Variants in PLXNC1 observed in about 807,000 individuals in gnomAD.
PLXNC1 encodes the protein plexin-C1.
In PLXNC1, 75 loss-of-function variants were observed where a neutral mutation model predicts 178.2. That is an observed-to-expected ratio of 0.42 (90% CI 0.35 to 0.51). The LOEUF is 0.51. Ranked by LOEUF, PLXNC1 falls within the 20% of genes least tolerant of loss-of-function variation. The pLI is 0.02. For synonymous variants in PLXNC1, 790 were observed against 779.9 expected, an observed-to-expected ratio of 1.01 and a Z score of -0.22; for missense variants, 1,503 against 1,984.4, an observed-to-expected ratio of 0.76 and a Z score of 4.61.
intron 28 of PLXNC1, among the ~76,000 whole-genome samples, chr12:94,301,805 TTTTTAC>T (rs1593014907): frequency 6.6e-6 from 1 of 152,272 alleles, no homozygotes; most frequent in East Asian, 1.9e-4. Flanking sequence ...AACAAACCTG[TTTTTAC>T]TTTTGTCTTC....
intron 6 of PLXNC1, among the ~76,000 whole-genome samples, chr12:94,221,071 G>A (rs1272572091): frequency 2.0e-5 from 3 of 152,232 alleles, no homozygotes; most frequent in Non-Finnish European, 4.4e-5. Flanking sequence ...GGTTTAAGCC[G>A]GAGGCTGGCA....
chr12:94,195,270 C>T (rs1443756034), intron 4 of PLXNC1, among the ~76,000 whole-genome samples: 1 of 152,168 alleles, frequency 6.6e-6, no homozygotes, highest in Non-Finnish European at 1.5e-5. Flanking sequence ...CCCACCCCAC[C>T]CTTCCTGGGT....
At chr12:94,184,748 G>A (rs1019308904) in intron 3 of PLXNC1, among the ~76,000 whole-genome samples, 2 of 146,382 alleles carry the variant, frequency 1.4e-5, no homozygotes, top group Admixed American at 6.9e-5. Flanking sequence ...ATATTTGTGT[G>A]TTTAAATAGA....
intron 21 of PLXNC1, among the ~76,000 whole-genome samples, chr12:94,271,464 C>T (rs1279535843): frequency 2.0e-5 from 3 of 152,306 alleles, no homozygotes; most frequent in South Asian, 2.1e-4. Flanking sequence ...AATCATGTGA[C>T]GGGACGATGG....
At chr12:94,277,769 G>T (rs1021093578) in intron 21 of PLXNC1, 1 of 363,352 alleles carries the variant, frequency 2.8e-6, no homozygotes, top group Admixed American at 3.6e-5. Flanking sequence ...AATTGTACAG[G>T]TTTTATTGCC....
intron 24 of PLXNC1, among the ~76,000 whole-genome samples, chr12:94,295,017 A>T (rs1358420006): frequency 6.6e-6 from 1 of 152,198 alleles, no homozygotes; most frequent in Non-Finnish European, 1.5e-5. Context: ...TAAAGGGGGA[A>T]CTTTTATGGG....
intron 4 of PLXNC1, among the ~76,000 whole-genome samples, chr12:94,201,372 A>G (rs140089287): frequency 6.6e-6 from 1 of 152,076 alleles, no homozygotes; most frequent in East Asian, 1.9e-4. Context: ...CATCACTACC[A>G]TTTTGTCTTT....
Position 94,248,366 on chromosome 12 carries a change from GCATCAAGA to G in PLXNC1, c.2734_2741del (p.Ile912CysfsTer9). On this transcript the variant is annotated frameshift_variant, in exon 14 of 31. Transcript: ENST00000258526. LOFTEE classifies it high-confidence loss of function. ...ACCACCATCCTTTGCAAAATTAAAG[GCATCAAGA>G]CTGCAAGCACCATTGCCAACTCTTC... is the stretch of plus-strand genomic sequence containing the variant. The G allele has an allele frequency of 6.2e-7, 1 of 1,612,426 alleles. No homozygotes were observed. The highest frequency in any genetic ancestry group is 8.5e-7 in the Non-Finnish European group (1 of 1,179,572).
In PLXNC1 at chr12:94,259,743, C is replaced by T; in HGVS notation, c.3251+9C>T. ...TTTTCTGTGAAGGACAGGTATTAGT[C>T]CATTCTTTGATGTTTTAAAAGCCTT... On this transcript the variant is annotated intron_variant, in intron 19 of 30. Transcript: ENST00000258526. 2 of 1,594,062 alleles carry T rather than the reference C, an allele frequency of 1.3e-6. No homozygotes were observed. Among genetic ancestry groups the T allele is most frequent in the Non-Finnish European group, 1.7e-6 (2 of 1,173,330 alleles).
chr12:94,276,985 G>A (rs1966013126), intron 21 of PLXNC1: 2 of 152,220 alleles, frequency 1.3e-5, no homozygotes, highest in Admixed American at 6.5e-5. Flanking sequence ...GTTGAGACCA[G>A]AACAAAATTT....
At chr12:94,151,137 T>A (rs933408324) in intron 1 of PLXNC1, among the ~76,000 whole-genome samples, 6 of 152,094 alleles carry the variant, frequency 3.9e-5, no homozygotes, top group Admixed American at 3.3e-4. Flanking sequence ...GCTACAGGTG[T>A]TGCCATTGTT....
intron 23 of PLXNC1, among the ~76,000 whole-genome samples, chr12:94,290,099 C>T (rs975293043): frequency 6.6e-6 from 1 of 152,208 alleles, no homozygotes; most frequent in Admixed American, 6.5e-5. Context: ...CAAAACAAAG[C>T]GTCTGACAGT....
intron 14 of PLXNC1, among the ~76,000 whole-genome samples, chr12:94,250,924 G>A (rs915816457): frequency 5.9e-5 from 9 of 152,210 alleles, no homozygotes; most frequent in Non-Finnish European, 8.8e-5. Context: ...AGGCTGAGGT[G>A]GGAGGATCAC....
chr12:94,228,554 A>G (rs189173239), intron 9 of PLXNC1, among the ~76,000 whole-genome samples: 126 of 152,336 alleles, frequency 8.3e-4, no homozygotes, highest in African/African-American at 2.9e-3. Flanking sequence ...TGCTCGTTAA[A>G]TAATAACTCT....
intron 1 of PLXNC1, chr12:94,168,441 C>T (rs1592726754): frequency 1.3e-5 from 2 of 152,318 alleles, no homozygotes; most frequent in South Asian, 4.1e-4. Context: ...CAGGACCAAG[C>T]GTGTGATTAC....
chr12:94,279,688 T>G (rs999201329), intron 22 of PLXNC1, 39 bp downstream of exon 22: 13 of 1,578,758 alleles, frequency 8.2e-6, no homozygotes, highest in African/African-American at 6.7e-5. Context: ...CAGGCCCTGA[T>G]GAGTGTCCCT....
At chr12:94,269,390 CCA>C (rs1347412331) in intron 21 of PLXNC1, among the ~76,000 whole-genome samples, 1 of 152,316 alleles carries the variant, frequency 6.6e-6, no homozygotes, top group East Asian at 1.9e-4. Context: ...CCAGCCTACC[CCA>C]GTCTGTCTCT....
intron 2 of PLXNC1, among the ~76,000 whole-genome samples, chr12:94,176,843 AAT>A (rs1237673125): frequency 1.3e-5 from 2 of 152,084 alleles, no homozygotes; most frequent in South Asian, 2.1e-4. Context: ...TGTATATGTA[AAT>A]ATGTCTATAT....
intron 21 of PLXNC1, among the ~76,000 whole-genome samples, chr12:94,274,530 C>A (rs1003363136): frequency 6.6e-6 from 1 of 152,126 alleles, no homozygotes; most frequent in Non-Finnish European, 1.5e-5. Context: ...GATCTGCCAC[C>A]GCAGCTTACT....
Sources: gnomAD v4.1 joint callset for allele counts (sites outside exome capture counted in the v4.1 genomes callset) on GRCh38, gnomAD v4.1.1 for gene constraint, MANE v1.5 for transcripts, NCBI Gene and HGNC (gene_info 2026-07-23, HGNC 2026-07-21) for gene names.